Variants in RB1 observed in about 807,000 individuals in gnomAD.
The protein encoded by RB1 is RB transcriptional corepressor 1.
Under a neutral mutation model 135.4 loss-of-function variants are expected in RB1, and 18 were observed. The observed-to-expected ratio is 0.13, with a 90% CI of 0.09 to 0.20. The LOEUF (loss-of-function observed/expected upper bound fraction) is 0.20. Ranked by LOEUF, RB1 falls within the 10% of genes least tolerant of loss-of-function variation. The pLI is 1.00. For synonymous variants in RB1, 365 were observed against 373.2 expected (o/e 0.98, Z 0.25); for missense variants, 868 against 1,110.0 (o/e 0.78, Z 3.10).
intron 17 of RB1, among the ~76,000 whole-genome samples, chr13:48,436,502 G>C (rs1177766446): frequency 6.6e-6 from 1 of 152,074 alleles, no homozygotes; most frequent in Non-Finnish European, 1.5e-5. Context: ...AATTAGCTGA[G>C]TATGGTGGCA....
In RB1 at chr13:48,467,865, T is replaced by G. The variant is rs1400239259; in HGVS notation, c.2489+2497T>G. 4.7e-4 allele frequency among the ~76,000 whole-genome samples: 4 copies of G among 8,474 alleles called. 2 individuals carry two copies. Among genetic ancestry groups the G allele is most frequent in the African/African-American group, 5.5e-4 (4 of 7,248 alleles). 5.6% of individuals were successfully genotyped at this position (8,474 alleles called of 152,430 possible). A position where few individuals can be genotyped will look rare whatever the true frequency, so the allele number is the denominator to read the frequency against. On this transcript the variant is annotated intron_variant, in intron 23 of 26. Transcript: ENST00000267163. ...ATTCAACAAGAGGAGCTAACTATCCTAAATGTTTATGCACCCAATACAGGA... is the reference window on the plus strand; with the variant it reads ...ATTCAACAAGAGGAGCTAACTATCCGAAATGTTTATGCACCCAATACAGGA...
At chr13:48,411,992 C>G in intron 17 of RB1, 1 of 1,607,312 alleles carries the variant, frequency 6.2e-7, no homozygotes, top group Non-Finnish European at 8.5e-7. Context: ...TTCCTCCGAT[C>G]ACAGTTAACC....
intron 17 of RB1, among the ~76,000 whole-genome samples, chr13:48,447,335 C>A (rs1312815720): frequency 1.3e-5 from 2 of 151,714 alleles, no homozygotes; most frequent in Admixed American, 1.3e-4. Flanking sequence ...TTCTGAAATA[C>A]TCCTTCAAGG....
At chr13:48,477,542 G>T (rs1219070737) in intron 26 of RB1, 138 bp downstream of exon 26, 67 of 719,314 alleles carry the variant, frequency 9.3e-5, no homozygotes, top group Non-Finnish European at 8.7e-5. Context: ...TTCAATCAAG[G>T]TTATTTATCT....
In RB1 at chr13:48,307,319, A is replaced by G; in HGVS notation, c.177A>G (p.Ala59=). The change falls in exon 2 of 27, where the codon GCA becomes GCG. Residue 59 remains alanine, a synonymous_variant. Coordinates refer to ENST00000267163, the MANE Select transcript of RB1 (RefSeq NM_000321.3). ...AAACAGAAGAACCTGATTTTACTGC[A>G]TTATGTCAGAAATTAAAGATACCAG... ...FEETEEPDFT[A]LCQKLKIPDH... 1 of 1,610,138 alleles carries G rather than the reference A, an allele frequency of 6.2e-7. No homozygotes were observed. The highest frequency in any genetic ancestry group is 8.5e-7 in the Non-Finnish European group (1 of 1,176,586).
chr13:48,377,916 G>A (rs1952844145), intron 13 of RB1, among the ~76,000 whole-genome samples: 1 of 152,128 alleles, frequency 6.6e-6, no homozygotes, highest in Admixed American at 6.5e-5. Flanking sequence ...GTAACATAAT[G>A]TGTTACCATT....
chr13:48,345,863 G>T (rs1399612261), intron 4 of RB1, among the ~76,000 whole-genome samples: 1 of 152,140 alleles, frequency 6.6e-6, no homozygotes, highest in Non-Finnish European at 1.5e-5. Flanking sequence ...AGGGAGAAGG[G>T]TAAAAGAGGC....
At chr13:48,411,822 A>G in intron 17 of RB1, 1 of 1,612,854 alleles carries the variant, frequency 6.2e-7, no homozygotes, top group Non-Finnish European at 8.5e-7. Flanking sequence ...AGAACAAGTT[A>G]CATTTAAAAT....
At chr13:48,391,422 T>C (rs1948609532) in intron 17 of RB1, 1 of 152,136 alleles carries the variant, frequency 6.6e-6, no homozygotes, top group African/African-American at 2.4e-5. Context: ...CTTCATTCCT[T>C]GTGTAGATCC....
At chr13:48,409,673 T>C (rs1948774990) in intron 17 of RB1, among the ~76,000 whole-genome samples, 1 of 138,334 alleles carries the variant, frequency 7.2e-6, no homozygotes, top group Non-Finnish European at 1.5e-5. Flanking sequence ...CTCTGACTCC[T>C]GGGTTCAAGC....
At chr13:48,445,555 C>T (rs1949280241) in intron 17 of RB1, among the ~76,000 whole-genome samples, 2 of 152,110 alleles carry the variant, frequency 1.3e-5, no homozygotes, top group Non-Finnish European at 2.9e-5. Flanking sequence ...TCTGCCCCTT[C>T]TCCTTTCAAA....
intron 2 of RB1, chr13:48,317,550 G>T: frequency 2.3e-6 from 1 of 439,228 alleles, no homozygotes; most frequent in East Asian, 5.9e-5. Context: ...TGGCACTGCT[G>T]GGCAGCTGAA....
chr13:48,388,304 G>A (rs1948585552), intron 17 of RB1, among the ~76,000 whole-genome samples: 1 of 152,098 alleles, frequency 6.6e-6, no homozygotes, highest in Admixed American at 6.6e-5. Context: ...ACCTAGGATT[G>A]AATGAGGTTT....
chr13:48,364,656 C>G (rs1306554665), intron 8 of RB1, among the ~76,000 whole-genome samples: 1 of 152,014 alleles, frequency 6.6e-6, no homozygotes, highest in East Asian at 1.9e-4. Flanking sequence ...TGGCTTGAGC[C>G]CAAGCATTTG....
intron 3 of RB1, 83 bp downstream of exon 3, chr13:48,342,797 T>C (rs1026299929): frequency 8.6e-6 from 8 of 926,754 alleles, no homozygotes; most frequent in Non-Finnish European, 1.4e-5. Context: ...TTTTGTGAAT[T>C]AGTGAGAAAT....
At position 48,326,525 on chromosome 13, in the gene RB1, C is replaced by T. The variant is rs138922218; in HGVS notation, c.265-16074C>T. Among the ~76,000 whole-genome samples, 844 of 151,978 alleles carry T rather than the reference C, an allele frequency of 5.6e-3. 5 individuals are homozygous for T. Among genetic ancestry groups the T allele is most frequent in the Middle Eastern group, 0.01 (3 of 294 alleles). ...TTATTTTAACAAACAGGAAAATGGA[C>T]AAAAATGGATAGTTTGCCTACATTA... On this transcript the variant is annotated intron_variant, in intron 2 of 26. Transcript: ENST00000267163.
In RB1 at chr13:48,412,696, G is replaced by T. The variant is rs778309989; in HGVS notation, c.1695+31253G>T. 6 of 487,176 alleles carry T rather than the reference G, an allele frequency of 1.2e-5. No homozygotes were observed. The Admixed American group carries it at 2.1e-4, about 17-fold the overall frequency. The allele number at this position is 487,176 out of a possible 1,614,324, so 30.2% of individuals were successfully genotyped here. A position where few individuals can be genotyped will look rare whatever the true frequency, so the allele number is the denominator to read the frequency against. On this transcript the variant is annotated intron_variant, in intron 17 of 26. Transcript: ENST00000267163. Reference sequence around the variant, plus strand: ...ATTCCAAGGCTCAGTTAACTGACGAGCAACCTTTAAAAAATACAGTCAACG... The same window carrying T: ...ATTCCAAGGCTCAGTTAACTGACGATCAACCTTTAAAAAATACAGTCAACG...
chr13:48,407,611 C>T (rs1385338839), intron 17 of RB1, among the ~76,000 whole-genome samples: 1 of 152,128 alleles, frequency 6.6e-6, no homozygotes, highest in Non-Finnish European at 1.5e-5. Context: ...ATAAGTAATG[C>T]TGTTGATCAT....
intron 23 of RB1, among the ~76,000 whole-genome samples, chr13:48,472,857 A>G (rs974837027): frequency 2.6e-5 from 4 of 152,174 alleles, no homozygotes; most frequent in Non-Finnish European, 5.9e-5. Context: ...ATTATAAAGA[A>G]CATAAATTAT....
Sources: allele counts gnomAD v4.1 joint callset (sites outside exome capture counted in the v4.1 genomes callset), GRCh38; gene constraint gnomAD v4.1.1; transcripts MANE v1.5; gene names NCBI Gene and HGNC (gene_info 2026-07-23, HGNC 2026-07-21).